Variants in SYNE1 observed in about 807,000 individuals in gnomAD.
SYNE1 encodes spectrin repeat containing nuclear envelope protein 1.
SYNE1 carries 616 observed loss-of-function variants against 1,111.0 expected under a neutral mutation model. The observed-to-expected ratio is 0.55, with a 90% confidence interval of 0.52 to 0.59. SYNE1 has a LOEUF of 0.59. SYNE1 is among the 20% of genes least tolerant of loss of function. The pLI is 0.00. For missense variants in SYNE1, 10,006 were observed against 10,417.0 expected, an observed-to-expected ratio of 0.96 and a Z score of 1.72; for synonymous variants, 3,855 against 3,825.8, an observed-to-expected ratio of 1.01 and a Z score of -0.28.
At chr6:152,401,425 A>G in intron 46 of SYNE1, 84 bp from the exon 47 acceptor site, 1 of 1,374,406 alleles carries the variant, frequency 7.3e-7, no homozygotes, top group Non-Finnish European at 1.0e-6. Context: ...CGTGCAGCTT[A>G]ATTGTCAAAG....
At position 152,416,491 on chromosome 6, in the gene SYNE1, T is replaced by C. The variant is rs1006094564; in HGVS notation, c.5946A>G (p.Ala1982=). 3 of 1,614,156 alleles carry C rather than the reference T, an allele frequency of 1.9e-6. No individual in the cohort carries two copies. The highest frequency in any genetic ancestry group is 1.7e-5 in the Admixed American group (1 of 60,008). The change falls in exon 41 of 146, where the codon GCA becomes GCG. Residue 1982 remains alanine, a synonymous_variant. Coordinates refer to ENST00000367255, the MANE Select transcript of SYNE1 (RefSeq NM_182961.4). ...EADALAVLKK[A]FQDQKEELLK... The stretch of plus-strand genomic sequence containing the variant: ...GAAGCTCCTCTTTCTGGTCTTGGAA[T>C]GCTTTTTTCAACACTGCCAGAGCAT...
At chr6:152,481,632 T>G (rs918795560) in intron 14 of SYNE1, 6 of 438,820 alleles carry the variant, frequency 1.4e-5, no homozygotes, top group Non-Finnish European at 2.7e-5. Context: ...AAAATTATTG[T>G]GTGTTATATA....
chr6:152,204,365 CAAAAAAAAAAAA>C, intron 126 of SYNE1, among the ~76,000 whole-genome samples: 1 of 89,772 alleles, frequency 1.1e-5, no homozygotes, highest in East Asian at 3.5e-4. Context: ...GACTCTATGT[CAAAAAAAAAAAA>C]AAGAAAAAAA....
At chr6:152,514,594 C>G (rs2099101807) in intron 6 of SYNE1, among the ~76,000 whole-genome samples, 1 of 150,776 alleles carries the variant, frequency 6.6e-6, no homozygotes, top group Non-Finnish European at 1.5e-5. Context: ...CCTGCACGTT[C>G]TGCACATGTA....
At chr6:152,390,208 C>T in intron 53 of SYNE1, 72 bp downstream of exon 53, 2 of 1,554,776 alleles carry the variant, frequency 1.3e-6, no homozygotes, top group Admixed American at 1.7e-5. Context: ...CCCAGGAGAC[C>T]TCAGTACTGC....
chr6:152,478,055 C>T (rs2098845803), intron 14 of SYNE1, among the ~76,000 whole-genome samples: 1 of 152,134 alleles, frequency 6.6e-6, no homozygotes, highest in African/African-American at 2.4e-5. Context: ...GTATGAGCCA[C>T]CATGCCTTAA....
At chr6:152,581,960 T>C (rs2099521252) in intron 3 of SYNE1, among the ~76,000 whole-genome samples, 1 of 152,174 alleles carries the variant, frequency 6.6e-6, no homozygotes, top group African/African-American at 2.4e-5. Context: ...TAAAATGGGT[T>C]ACCAGTGCCT....
At chr6:152,316,725 G>T in intron 87 of SYNE1, 124 bp downstream of exon 87, 1 of 1,066,818 alleles carries the variant, frequency 9.4e-7, no homozygotes, top group Non-Finnish European at 1.4e-6. Context: ...GGGTACCTTA[G>T]CATTCTTTTT....
intron 115 of SYNE1, among the ~76,000 whole-genome samples, chr6:152,229,986 G>A (rs1288332051): frequency 6.6e-6 from 1 of 152,040 alleles, no homozygotes; most frequent in Non-Finnish European, 1.5e-5. Context: ...GTGACATGAT[G>A]TCTGGTATTT....
chr6:152,305,494 A>C (rs2095345091), intron 91 of SYNE1, among the ~76,000 whole-genome samples: 1 of 152,112 alleles, frequency 6.6e-6, no homozygotes. Flanking sequence ...CAAACTCCTG[A>C]CCTTGTGATC....
At position 152,502,726 on chromosome 6, in the gene SYNE1, T is replaced by C; in HGVS notation, c.795A>G (p.Lys265=). ...LLDPEDVDVD[K]PDEKSIMTYV... is the part of the protein sequence containing the mutation. ...AGGTCATAATAGATTTCTCATCTGG[T>C]TTATCCACATCAACGTCTGAAAAAA... Residue 265 remains lysine (K), a synonymous_variant, in exon 10 of 146, where the codon AAA becomes AAG. Transcript: ENST00000367255. 1 of 1,612,758 alleles carries C rather than the reference T, an allele frequency of 6.2e-7. No homozygotes were observed. Among genetic ancestry groups the C allele is most frequent in the Non-Finnish European group, 8.5e-7 (1 of 1,178,998 alleles).
At chr6:152,194,277 C>G (rs2073491525) in intron 127 of SYNE1, among the ~76,000 whole-genome samples, 1 of 152,162 alleles carries the variant, frequency 6.6e-6, no homozygotes, top group South Asian at 2.1e-4. Context: ...ACTGGTTATA[C>G]TATTCTAGGG....
intron 145 of SYNE1, chr6:152,127,732 G>A (rs1296450476): frequency 6.6e-6 from 1 of 152,120 alleles, no homozygotes; most frequent in East Asian, 1.9e-4. Context: ...CTCTTTGAAT[G>A]CTTTGAATAA....
At chr6:152,183,575 T>C (rs1214215546) in intron 128 of SYNE1, among the ~76,000 whole-genome samples, 1 of 151,914 alleles carries the variant, frequency 6.6e-6, no homozygotes, top group Non-Finnish European at 1.5e-5. Flanking sequence ...CACTACAGCC[T>C]GGGCAACAGA....
At position 152,308,637 on chromosome 6, in the gene SYNE1, G is replaced by GA. The variant is rs55633181; in HGVS notation, c.17203-6dup. On this transcript the variant is annotated splice_region_variant and splice_polypyrimidine_tract_variant and intron_variant, in intron 90 of 145. Coordinates refer to ENST00000367255, the MANE Select transcript of SYNE1 (RefSeq NM_182961.4). Reference sequence around the variant, plus strand: ...TTCATATTGTACCACAGCTTCCTTTGAAAAAAAAAAAAAACAGAAAGATAG... The same window carrying GA: ...TTCATATTGTACCACAGCTTCCTTTGAAAAAAAAAAAAAAACAGAAAGATAG... 112,644 of 1,328,592 alleles carry GA rather than the reference G, an allele frequency of 0.085. 83 individuals are homozygous for GA. The highest frequency in any genetic ancestry group is 0.12 in the African/African-American group (7,441 of 61,314). The allele number at this position is 1,328,592 out of a possible 1,614,324, so 82.3% of individuals were successfully genotyped here. A position where few individuals can be genotyped will look rare whatever the true frequency, so the allele number is the denominator to read the frequency against.
chr6:152,611,473 AC>A (rs1365324805), intron 3 of SYNE1, among the ~76,000 whole-genome samples: 1 of 152,218 alleles, frequency 6.6e-6, no homozygotes, highest in Non-Finnish European at 1.5e-5. Context: ...TGCACCCAAT[AC>A]AGGAGCACCC....
At chr6:152,277,972 AG>A in intron 98 of SYNE1, 116 bp downstream of exon 98, 1 of 1,045,928 alleles carries the variant, frequency 9.6e-7, no homozygotes, top group Non-Finnish European at 1.5e-6. Context: ...AGCGTAAAGC[AG>A]GTACACACAC....
chr6:152,589,688 A>G (rs2099552466), intron 3 of SYNE1, among the ~76,000 whole-genome samples: 1 of 152,178 alleles, frequency 6.6e-6, no homozygotes, highest in Non-Finnish European at 1.5e-5. Flanking sequence ...CCCTTTAGAG[A>G]GGCAGCAAAG....
At chr6:152,405,201 C>T (rs574674382) in intron 45 of SYNE1, among the ~76,000 whole-genome samples, 2 of 152,180 alleles carry the variant, frequency 1.3e-5, no homozygotes. Flanking sequence ...GTGTGTCACA[C>T]AGACAGTGGG....
Sources: allele counts gnomAD v4.1 joint callset (sites outside exome capture counted in the v4.1 genomes callset), GRCh38; gene constraint gnomAD v4.1.1; transcripts MANE v1.5; gene names NCBI Gene and HGNC (gene_info 2026-07-23, HGNC 2026-07-21).